The following NIBAN1 variants were observed in gnomAD, a reference collection of about 807,000 sequenced individuals.
NIBAN1 encodes the protein niban apoptosis regulator 1.
NIBAN1 carries 81 observed loss-of-function variants against 75.1 expected under a neutral mutation model. The observed-to-expected ratio is 1.08, with a 90% CI of 0.90 to 1.30. NIBAN1 has a LOEUF of 1.30. Among genes scored for constraint, NIBAN1 ranks in the 50% most tolerant of loss-of-function variants. NIBAN1 has a pLI of 0.00. For synonymous variants in NIBAN1, 436 were observed against 424.8 expected (o/e 1.03, Z -0.32); for missense variants, 1,133 against 1,128.1 (o/e 1.00, Z -0.06).
intron 2 of NIBAN1, among the ~76,000 whole-genome samples, chr1:184,895,712 CA>C (rs1324505193): frequency 7.2e-5 from 11 of 152,132 alleles, no homozygotes; most frequent in Non-Finnish European, 1.6e-4. Context: ...ACTCCCCTCC[CA>C]CCTTCCCCAC....
chr1:184,925,389 G>A (rs757030088), intron 1 of NIBAN1, among the ~76,000 whole-genome samples: 1 of 152,014 alleles, frequency 6.6e-6, no homozygotes, highest in Admixed American at 6.5e-5. Flanking sequence ...TGATTGGAGA[G>A]TTTAGTTCAC....
chr1:184,872,521 C>T (rs1416207469), intron 5 of NIBAN1, among the ~76,000 whole-genome samples: 1 of 152,100 alleles, frequency 6.6e-6, no homozygotes, highest in East Asian at 1.9e-4. Flanking sequence ...GCCTGACCAA[C>T]ATGGTGAAAC....
chr1:184,916,526 C>T (rs1033022211), intron 1 of NIBAN1, among the ~76,000 whole-genome samples: 7 of 152,020 alleles, frequency 4.6e-5, no homozygotes, highest in African/African-American at 1.7e-4. Flanking sequence ...TCCCTTTATT[C>T]CCCTTGAATA....
chr1:184,898,435 T>C (rs1445211071), intron 2 of NIBAN1, among the ~76,000 whole-genome samples: 1 of 151,934 alleles, frequency 6.6e-6, no homozygotes, highest in Non-Finnish European at 1.5e-5. Flanking sequence ...GCCAACATGG[T>C]GAATATCCTG....
At chr1:184,848,542 CA>C (rs1268073520) in intron 5 of NIBAN1, among the ~76,000 whole-genome samples, 1 of 21,628 alleles carries the variant, frequency 4.6e-5, no homozygotes, top group East Asian at 8.6e-4. Context: ...CCAAAATTGA[CA>C]CCCTAACATC....
At chr1:184,945,863 A>G (rs562197889) in intron 1 of NIBAN1, among the ~76,000 whole-genome samples, 5 of 152,306 alleles carry the variant, frequency 3.3e-5, no homozygotes, top group African/African-American at 1.2e-4. Context: ...TCTGAATGAG[A>G]GTCAAATAGC....
chr1:184,965,384 A>G (rs1238862703), intron 1 of NIBAN1, among the ~76,000 whole-genome samples: 1 of 152,090 alleles, frequency 6.6e-6, no homozygotes, highest in Non-Finnish European at 1.5e-5. Context: ...TAGTATTCCA[A>G]GGTGTATATG....
chr1:184,895,279 C>T (rs1210332852), intron 2 of NIBAN1, among the ~76,000 whole-genome samples: 1 of 152,150 alleles, frequency 6.6e-6, no homozygotes, highest in East Asian at 1.9e-4. Flanking sequence ...AGCTGAACTT[C>T]ATAGTTCTTA....
chr1:184,896,907 T>C (rs1656814633), intron 2 of NIBAN1, among the ~76,000 whole-genome samples: 1 of 152,212 alleles, frequency 6.6e-6, no homozygotes, highest in Non-Finnish European at 1.5e-5. Flanking sequence ...TCTATGTGTC[T>C]ATTTTTGTAC....
At chr1:184,854,180 G>T (rs1342357655) in intron 5 of NIBAN1, among the ~76,000 whole-genome samples, 1 of 152,024 alleles carries the variant, frequency 6.6e-6, no homozygotes, top group Non-Finnish European at 1.5e-5. Context: ...AACCACATGG[G>T]GCTATGGCTG....
At chr1:184,844,870 G>A (rs1477921934) in intron 5 of NIBAN1, among the ~76,000 whole-genome samples, 2 of 152,186 alleles carry the variant, frequency 1.3e-5, no homozygotes, top group Non-Finnish European at 2.9e-5. Flanking sequence ...GATCAGAAAG[G>A]TGAGAACACT....
intron 2 of NIBAN1, among the ~76,000 whole-genome samples, chr1:184,897,320 T>TGTGTGGG (rs1656827268): frequency 7.4e-6 from 1 of 135,830 alleles, no homozygotes; most frequent in African/African-American, 2.9e-5. Flanking sequence ...GTGTGTGTGG[T>TGTGTGGG]GGGTGGGGGT....
At chr1:184,958,364 TCA>T (rs3035788) in intron 1 of NIBAN1, among the ~76,000 whole-genome samples, 48,204 of 142,378 alleles carry the variant, frequency 0.34, 9,311 homozygotes, top group Non-Finnish European at 0.45. Context: ...GACAGAGGAG[TCA>T]CACACACACA....
intron 2 of NIBAN1, among the ~76,000 whole-genome samples, chr1:184,895,489 ATATTGGTTAAC>A (rs1469597073): frequency 1.3e-5 from 2 of 152,180 alleles, no homozygotes; most frequent in African/African-American, 4.8e-5. Context: ...GCTGCTAAAT[ATATTGGTTAAC>A]TTCTCAGCAT....
intron 1 of NIBAN1, among the ~76,000 whole-genome samples, chr1:184,967,225 G>C (rs933481368): frequency 0.015 from 2,230 of 149,594 alleles, 51 homozygotes; most frequent in African/African-American, 0.05. Context: ...CTCTCTGTGT[G>C]TGTGTGTGTG....
At position 184,795,337 on chromosome 1, in the gene NIBAN1, C is replaced by T. The variant is rs746826746; in HGVS notation, c.2427G>A (p.Gly809=). 3.1e-6 allele frequency: 5 copies of T among 1,610,096 alleles called. No homozygotes were observed. Among genetic ancestry groups the T allele is most frequent in the Non-Finnish European group, 4.2e-6 (5 of 1,178,352 alleles). ...CTCCTGGGAGCTCCCCCTCCATGGG[C>T]CCCAGGGGCTCCTCGGTGAGCCCTC... ...ASGGLTEEPL[G]PMEGELPGEA... is the part of the protein sequence containing the mutation. Residue 809 remains glycine (G), a synonymous_variant, in exon 14 of 14, where the codon GGG becomes GGA. Coordinates refer to ENST00000367511, the MANE Select transcript of NIBAN1 (RefSeq NM_052966.4).
At chr1:184,954,796 A>G (rs995440718) in intron 1 of NIBAN1, among the ~76,000 whole-genome samples, 7 of 152,218 alleles carry the variant, frequency 4.6e-5, no homozygotes, top group African/African-American at 1.7e-4. Context: ...CTGAATTCCA[A>G]GCCTATGTGT....
chr1:184,958,521 T>C (rs944374971), intron 1 of NIBAN1, among the ~76,000 whole-genome samples: 1 of 152,220 alleles, frequency 6.6e-6, no homozygotes, highest in Non-Finnish European at 1.5e-5. Context: ...CTGATACTCC[T>C]TTTCATTAAA....
At position 184,973,626 on chromosome 1, in the gene NIBAN1, G is replaced by A. The variant is rs901855935; in HGVS notation, c.55+676C>T. On this transcript the variant is annotated intron_variant, in intron 1 of 13. Transcript: ENST00000367511. The stretch of plus-strand genomic sequence containing the variant: ...TGTTTTGTTTGTTTTGCAGCCTCAC[G>A]CTCTCTACTGAGTCCCCACATCTCT... Among the ~76,000 whole-genome samples the A allele has an allele frequency of 4.6e-5, 7 of 152,246 alleles. No homozygotes were observed. In the South Asian group the frequency reaches 6.2e-4, roughly 14 times the overall value.
Sources: gnomAD v4.1 joint callset for allele counts (sites outside exome capture counted in the v4.1 genomes callset) on GRCh38, gnomAD v4.1.1 for gene constraint, MANE v1.5 for transcripts, NCBI Gene and HGNC (gene_info 2026-07-23, HGNC 2026-07-21) for gene names.